Variants in ZSCAN18 observed in about 807,000 individuals in gnomAD.
ZSCAN18 encodes zinc finger and SCAN domain-containing protein 18.
ZSCAN18 carries 16 observed loss-of-function variants against 31.1 expected under a neutral mutation model. The observed-to-expected ratio is 0.51, with a 90% CI of 0.35 to 0.78. The LOEUF (loss-of-function observed/expected upper bound fraction) is 0.78, where lower values mean the gene tolerates loss of function less well. Ranked by LOEUF, ZSCAN18 falls within the 30% of genes least tolerant of loss-of-function variation. The pLI is 0.01. For synonymous variants in ZSCAN18, 375 were observed against 320.7 expected, an observed-to-expected ratio of 1.17 and a Z score of -1.81; for missense variants, 731 against 697.4, an observed-to-expected ratio of 1.05 and a Z score of -0.54.
chr19:58,109,052 T>C (rs2074658145), intron 1 of ZSCAN18: 4 of 1,224,242 alleles, frequency 3.3e-6, no homozygotes, highest in Non-Finnish European at 4.1e-6. Context: ...ACTGAGCAGA[T>C]GACCACAATG....
At position 58,084,556 on chromosome 19, in the gene ZSCAN18, A is replaced by G; in HGVS notation, c.*129T>C. ...AGCGCTTAGCCTCAGGAGCGGATTC[A>G]GGGCACAGGCAGAGGACGTCCACAA... On this transcript the variant is annotated 3_prime_UTR_variant, in exon 7 of 7. Transcript: ENST00000601144. This position sits in a 1 kb window ranked among gnomAD's most constrained non-coding sequence, Gnocchi z 4.5. 2.2e-6 allele frequency: 2 copies of G among 926,798 alleles called. No homozygotes were observed. Among genetic ancestry groups the G allele is most frequent in the Non-Finnish European group, 3.0e-6 (2 of 664,448 alleles). 57.4% of individuals were successfully genotyped at this position (926,798 alleles called of 1,614,324 possible).
At chr19:58,114,139 G>A (rs143929917) in intron 1 of ZSCAN18, among the ~76,000 whole-genome samples, 10 of 152,046 alleles carry the variant, frequency 6.6e-5, no homozygotes, top group South Asian at 2.1e-4. Context: ...ATGGTGGCAC[G>A]TGCCTATAGT....
chr19:58,105,542 T>A (rs1022176161), intron 1 of ZSCAN18, among the ~76,000 whole-genome samples: 1 of 152,096 alleles, frequency 6.6e-6, no homozygotes, highest in African/African-American at 2.4e-5. Flanking sequence ...GTGCCTGTAG[T>A]CCCAGCTACT....
intron 1 of ZSCAN18, among the ~76,000 whole-genome samples, chr19:58,117,486 G>A (rs771358648): frequency 2.6e-5 from 4 of 152,160 alleles, no homozygotes; most frequent in Non-Finnish European, 5.9e-5. Flanking sequence ...CCCTAAAGGG[G>A]CAGAGGAGGA....
chr19:58,108,472 A>C (rs756278843), intron 1 of ZSCAN18: 17 of 985,574 alleles, frequency 1.7e-5, no homozygotes, highest in Non-Finnish European at 2.0e-5. Flanking sequence ...GTAAAGGTGG[A>C]GCCAGCACTG....
At chr19:58,100,830 G>A (rs141609237), upstream of ZSCAN18, among the ~76,000 whole-genome samples, 634 of 151,430 alleles carry the variant, frequency 4.2e-3, 4 homozygotes, top group African/African-American at 0.015. Context: ...AGTTGAGATC[G>A]CACCACTGCA....
rs1006916300 is a variant in ZSCAN18 at position 58,084,681 on chromosome 19, C to T, written c.*4G>A. ...GCCCCTCCGGAACGGGACAGCACAG[C>T]GGCTCACCTCTGCGCCTCTGGGGGT... On this transcript the variant is annotated 3_prime_UTR_variant, in exon 7 of 7. Coordinates refer to ENST00000601144, the MANE Select transcript of ZSCAN18 (RefSeq NM_001145543.2). The surrounding 1 kb of genome is among the most constrained non-coding windows in gnomAD (Gnocchi z 4.5). 2.0e-6 allele frequency: 3 copies of T among 1,486,706 alleles called. No homozygotes were observed. Among genetic ancestry groups the T allele is most frequent in the Non-Finnish European group, 2.7e-6 (3 of 1,128,438 alleles). 92.1% of individuals were successfully genotyped at this position (1,486,706 alleles called of 1,614,324 possible).
At chr19:58,112,948 T>C (rs373500471) in intron 1 of ZSCAN18, among the ~76,000 whole-genome samples, 53 of 10,470 alleles carry the variant, frequency 5.1e-3, no homozygotes, top group South Asian at 0.028. Context: ...AAGGCTCCGT[T>C]TCAAAAAAAA....
intron 1 of ZSCAN18, chr19:58,108,272 CA>C: frequency 2.0e-6 from 2 of 985,448 alleles, no homozygotes; most frequent in Non-Finnish European, 2.4e-6. Context: ...GCTCCCCTCA[CA>C]TGTGAATTCT....
At chr19:58,111,356 ATTTTT>A (rs1321360956) in intron 1 of ZSCAN18, among the ~76,000 whole-genome samples, 2 of 151,672 alleles carry the variant, frequency 1.3e-5, no homozygotes, top group African/African-American at 4.8e-5. Context: ...CCCGAAAAAA[ATTTTT>A]TTTAAGACAG....
chr19:58,088,685 C>T lies in ZSCAN18; in HGVS notation c.553+3G>A, dbSNP rs759289239. ...GAGGCTGCCAGGCTAGCTGGGCACT[C>T]ACGTGTCTCAGAAGGTGCCGGGATC... On this transcript the variant is annotated splice_donor_region_variant and intron_variant, in intron 3 of 6. Coordinates refer to ENST00000601144, the MANE Select transcript of ZSCAN18 (RefSeq NM_001145543.2). 3.1e-6 allele frequency: 5 copies of T among 1,607,720 alleles called. No homozygotes were observed. The Admixed American group carries it at 8.3e-5, about 27-fold the overall frequency.
chr19:58,092,036 C>T (rs2145990287), intron 1 of ZSCAN18, among the ~76,000 whole-genome samples: 1 of 152,180 alleles, frequency 6.6e-6, no homozygotes, highest in East Asian at 1.9e-4. Flanking sequence ...TGTGTGATTC[C>T]ACAGAAATGA....
intron 1 of ZSCAN18, among the ~76,000 whole-genome samples, chr19:58,109,576 GAA>G (rs2074662959): frequency 6.6e-6 from 1 of 152,094 alleles, no homozygotes; most frequent in Admixed American, 6.5e-5. Flanking sequence ...CTTACATGAT[GAA>G]ATACCACACA....
chr19:58,085,102 C>A lies in ZSCAN18; in HGVS notation c.1116G>T (p.Pro372=). ...RGTAKLGTKR[P]HPEDGDGQSL... ...TCTGCCCGTCCCCATCCTCGGGGTG[C>A]GGCCTCTTGGTTCCCAGTTTCGCCG... Residue 372 remains proline, a synonymous_variant, in exon 7 of 7, where the codon CCG becomes CCT. Transcript: ENST00000601144. The A allele has an allele frequency of 6.2e-7, 1 of 1,606,222 alleles. No individual in the cohort carries two copies.
intron 1 of ZSCAN18, chr19:58,097,806 G>A (rs1599993220): frequency 7.7e-6 from 1 of 129,384 alleles, no homozygotes; most frequent in Non-Finnish European, 1.4e-5. Flanking sequence ...CCCATCAGGA[G>A]CCTCCCCCTC....
At position 58,085,307 on chromosome 19, in the gene ZSCAN18, A is replaced by C. The variant is rs962874135; in HGVS notation, c.911T>G (p.Leu304Arg). ...EAAPAGVLPELPTEAPPGDAL... is the reference protein window; with the variant it reads ...EAAPAGVLPERPTEAPPGDAL... ...GTCCCCAGGGGGCGCCTCCGTAGGC[A>C]GCTCAGGCAGCACCCCCGCGGGGGC... The change falls in exon 7 of 7, where the codon CTG becomes CGG. Residue 304 changes from leucine (L) to arginine (R), a missense_variant. Physicochemically the swap from Leu to Arg is moderately radical, Grantham distance 102. Coordinates refer to ENST00000601144, the MANE Select transcript of ZSCAN18 (RefSeq NM_001145543.2). 10 of 1,598,474 alleles carry C rather than the reference A, an allele frequency of 6.3e-6. No homozygotes were observed. In the African/African-American group the frequency reaches 1.3e-4, roughly 21 times the overall value.
At chr19:58,089,237 A>G (rs1211835786) in intron 2 of ZSCAN18, among the ~76,000 whole-genome samples, 1 of 126,336 alleles carries the variant, frequency 7.9e-6, no homozygotes. Flanking sequence ...CGGGAGGCGG[A>G]GCTTGCAGTG....
chr19:58,097,358 G>A (rs73941508), intron 1 of ZSCAN18, among the ~76,000 whole-genome samples: 1,711 of 152,004 alleles, frequency 0.011, 42 homozygotes, highest in African/African-American at 0.038. Flanking sequence ...AAAGGAAATG[G>A]GGAAGGAGTG....
At position 58,090,679 on chromosome 19, in the gene ZSCAN18, TC is replaced by T; in HGVS notation, c.-119-294del. On this transcript the variant is annotated intron_variant, in intron 1 of 6. Coordinates refer to ENST00000601144, the MANE Select transcript of ZSCAN18 (RefSeq NM_001145543.2). This position sits in a 1 kb window ranked among gnomAD's most constrained non-coding sequence, Gnocchi z 4.7. ...ATCTCGGCTCAATGCAACCTCTACCTCCCGGGTTCAAGCGAGTCTCCTGCCT... is the reference window on the plus strand; with the variant it reads ...ATCTCGGCTCAATGCAACCTCTACCTCCGGGTTCAAGCGAGTCTCCTGCCT... 1 of 255,170 alleles carries T rather than the reference TC, an allele frequency of 3.9e-6. No individual in the cohort carries two copies. The highest frequency in any genetic ancestry group is 1.1e-4 in the South Asian group (1 of 8,746). 15.8% of individuals were successfully genotyped at this position (255,170 alleles called of 1,614,324 possible). A position where few individuals can be genotyped will look rare whatever the true frequency, so the allele number is the denominator to read the frequency against.
Sources: gnomAD v4.1 joint callset for allele counts (sites outside exome capture counted in the v4.1 genomes callset) on GRCh38, gnomAD v4.1.1 for gene constraint, Gnocchi (gnomAD v3.1) non-coding constraint, MANE v1.5 for transcripts, NCBI Gene and HGNC (gene_info 2026-07-23, HGNC 2026-07-21) for gene names.